SUGCT: variants seen among roughly 807,000 people sequenced by gnomAD.
SUGCT encodes the protein succinyl-CoA:glutarate-CoA transferase, also known as succinyl-CoA:glutarate CoA-transferase.
SUGCT carries 41 observed loss-of-function variants against 55.0 expected under a neutral mutation model. The ratio of observed to expected loss-of-function variants is 0.74; its 90% CI spans 0.58 to 0.97. The LOEUF is 0.97. SUGCT is among the 50% of genes least tolerant of loss of function. SUGCT has a pLI of 0.00. For synonymous variants in SUGCT, 187 were observed against 200.4 expected, an observed-to-expected ratio of 0.93 and a Z score of 0.56; for missense variants, 568 against 547.8, an observed-to-expected ratio of 1.04 and a Z score of -0.37.
At chr7:40,155,782 A>C (rs1783858791) in intron 1 of SUGCT, among the ~76,000 whole-genome samples, 1 of 152,166 alleles carries the variant, frequency 6.6e-6, no homozygotes, top group African/African-American at 2.4e-5. Flanking sequence ...AAGACAAGAA[A>C]ATTTAAGTAT....
At chr7:40,282,807 A>G (rs1793060570) in intron 8 of SUGCT, among the ~76,000 whole-genome samples, 1 of 152,112 alleles carries the variant, frequency 6.6e-6, no homozygotes, top group Admixed American at 6.6e-5. Flanking sequence ...TAGAGGTTAC[A>G]TAGAATTATG....
the SUGCT span, among the ~76,000 whole-genome samples, chr7:41,006,528 G>A: frequency 4.6e-5 from 7 of 152,112 alleles, no homozygotes; most frequent in Non-Finnish European, 1.0e-4. Flanking sequence ...TCATTTATTG[G>A]ACTTGACTTT....
At chr7:40,139,784 C>G (rs1363284730) in intron 1 of SUGCT, among the ~76,000 whole-genome samples, 1 of 152,118 alleles carries the variant, frequency 6.6e-6, no homozygotes, top group Non-Finnish European at 1.5e-5. Flanking sequence ...CTTTTGAGGT[C>G]TCAGTCATGA....
intron 12 of SUGCT, among the ~76,000 whole-genome samples, chr7:40,690,851 A>G (rs1784665008): frequency 6.6e-6 from 1 of 152,264 alleles, no homozygotes; most frequent in Admixed American, 6.5e-5. Context: ...GTGCTGAGAT[A>G]TAGGCAGGAG....
Position 40,496,391 on chromosome 7 carries a change from G to C in SUGCT, c.1089+5G>C, listed in dbSNP as rs1439717837. ...AATGTATTTGCAGAACCTCAGGTTT[G>C]TTTTTGAAGTTTAACAACGCCTCTG... On this transcript the variant is annotated splice_donor_5th_base_variant and intron_variant, in intron 12 of 13. Transcript: ENST00000335693. 1 of 1,598,580 alleles carries C rather than the reference G, an allele frequency of 6.3e-7. No homozygotes were observed. Among genetic ancestry groups the C allele is most frequent in the Non-Finnish European group, 8.6e-7 (1 of 1,168,280 alleles).
chr7:40,974,663 C>T, the SUGCT span, among the ~76,000 whole-genome samples: 1 of 152,178 alleles, frequency 6.6e-6, no homozygotes, highest in Non-Finnish European at 1.5e-5. Context: ...CCACCTAGGA[C>T]TGGGCAGGTG....
intron 9 of SUGCT, among the ~76,000 whole-genome samples, chr7:40,354,739 A>G (rs779017646): frequency 3.3e-5 from 5 of 152,238 alleles, no homozygotes; most frequent in Non-Finnish European, 7.3e-5. Context: ...AAGATTGGCA[A>G]CTGTGGGAAT....
intron 11 of SUGCT, among the ~76,000 whole-genome samples, chr7:40,483,106 A>G (rs1294432313): frequency 6.6e-6 from 1 of 152,310 alleles, no homozygotes; most frequent in African/African-American, 2.4e-5. Flanking sequence ...TGTTTACGGT[A>G]GAAATGCCGA....
At chr7:40,617,891 A>G (rs545599787) in intron 12 of SUGCT, among the ~76,000 whole-genome samples, 44 of 152,280 alleles carry the variant, frequency 2.9e-4, no homozygotes, top group African/African-American at 1.0e-3. Flanking sequence ...TTCATATGTC[A>G]TCGACTCTGA....
the SUGCT span, among the ~76,000 whole-genome samples, chr7:40,886,473 C>A: frequency 6.6e-6 from 1 of 152,094 alleles, no homozygotes; most frequent in Non-Finnish European, 1.5e-5. Context: ...GTGTGGCTTC[C>A]ACAGTGGCTA....
the SUGCT span, among the ~76,000 whole-genome samples, chr7:41,029,102 A>G: frequency 6.6e-6 from 1 of 152,110 alleles, no homozygotes; most frequent in African/African-American, 2.4e-5. Context: ...TCCTCCCCTG[A>G]TGTCCTCAGT....
intron 9 of SUGCT, among the ~76,000 whole-genome samples, chr7:40,333,928 G>A (rs879963853): frequency 2.0e-5 from 3 of 151,620 alleles, no homozygotes; most frequent in East Asian, 3.9e-4. Context: ...ACAGGCCTCA[G>A]TGGGTGATAG....
intron 7 of SUGCT, among the ~76,000 whole-genome samples, chr7:40,244,963 C>T (rs774171676): frequency 6.6e-6 from 1 of 152,160 alleles, no homozygotes; most frequent in Non-Finnish European, 1.5e-5. Context: ...TTATTCTCTT[C>T]CTCAGATGAA....
At chr7:40,892,538 T>G in the SUGCT span, among the ~76,000 whole-genome samples, 87 of 152,288 alleles carry the variant, frequency 5.7e-4, no homozygotes, top group Non-Finnish European at 9.0e-4. Flanking sequence ...TAATTAAAAT[T>G]AAAGTTTTTT....
At chr7:40,990,781 T>G in the SUGCT span, among the ~76,000 whole-genome samples, 1 of 152,226 alleles carries the variant, frequency 6.6e-6, no homozygotes, top group Admixed American at 6.5e-5. Flanking sequence ...ACTTTTATGT[T>G]GAGAGAGCTT....
At chr7:40,528,022 T>C (rs1175690876) in intron 12 of SUGCT, among the ~76,000 whole-genome samples, 1 of 152,212 alleles carries the variant, frequency 6.6e-6, no homozygotes, top group Non-Finnish European at 1.5e-5. Flanking sequence ...TGAGTTTGCC[T>C]GAGTTCAAAT....
intron 9 of SUGCT, among the ~76,000 whole-genome samples, chr7:40,395,623 T>C (rs533286278): frequency 4.5e-4 from 69 of 152,170 alleles, no homozygotes; most frequent in African/African-American, 1.6e-3. Context: ...GAACTACTTA[T>C]CTGCTTTAAG....
the SUGCT span, among the ~76,000 whole-genome samples, chr7:40,946,416 C>G: frequency 6.6e-6 from 1 of 152,116 alleles, no homozygotes; most frequent in Non-Finnish European, 1.5e-5. Flanking sequence ...GGGCCGTTCT[C>G]TAGCCACTGG....
rs113544338 is a variant in SUGCT at position 40,167,408 on chromosome 7, A to G, written c.101-13539A>G. ...AGGTGGAAAGTTTTAGGTGCTAGAA[A>G]GTTCTCTTTCTTGATTGTGGAGGTG... On this transcript the variant is annotated intron_variant, in intron 1 of 13. Coordinates refer to ENST00000335693, the MANE Select transcript of SUGCT (RefSeq NM_001193313.2). Among the ~76,000 whole-genome samples, 525 of 152,300 alleles carry G rather than the reference A, an allele frequency of 3.4e-3. 6 individuals are homozygous for G. The highest frequency in any genetic ancestry group is 0.011 in the African/African-American group (476 of 41,566).
Sources: gnomAD v4.1 joint callset for allele counts (sites outside exome capture counted in the v4.1 genomes callset) on GRCh38, gnomAD v4.1.1 for gene constraint, MANE v1.5 for transcripts, NCBI Gene and HGNC (gene_info 2026-07-23, HGNC 2026-07-21) for gene names.